CACNG3: variants seen among roughly 807,000 people sequenced by gnomAD.
The protein encoded by CACNG3 is voltage-dependent calcium channel gamma-3 subunit.
A neutral mutation model predicts 28.5 loss-of-function variants in CACNG3; 3 were observed. The ratio of observed to expected loss-of-function variants is 0.11; its 90% CI spans 0.05 to 0.27. The LOEUF (loss-of-function observed/expected upper bound fraction) is 0.27, where lower values mean the gene tolerates loss of function less well. Among genes scored for constraint, CACNG3 ranks in the 10% least tolerant of loss-of-function variants. The pLI, the probability that CACNG3 is intolerant of heterozygous loss-of-function variation, is 1.00. For missense variants in CACNG3, 236 were observed against 414.4 expected (o/e 0.57, Z 3.74); for synonymous variants, 174 against 162.2 (o/e 1.07, Z -0.55).
At chr16:24,328,913 TAC>T (rs1330103902) in intron 1 of CACNG3, among the ~76,000 whole-genome samples, 1 of 152,148 alleles carries the variant, frequency 6.6e-6, no homozygotes, top group Non-Finnish European at 1.5e-5. Flanking sequence ...CTTCATCACA[TAC>T]ACACATACAC....
intron 1 of CACNG3, among the ~76,000 whole-genome samples, chr16:24,262,517 CCCA>C (rs1295293808): frequency 6.6e-6 from 1 of 152,176 alleles, no homozygotes; most frequent in Non-Finnish European, 1.5e-5. Flanking sequence ...TCACCAACTC[CCCA>C]CCACCACTGC....
At chr16:24,329,022 T>C (rs1899598617) in intron 1 of CACNG3, among the ~76,000 whole-genome samples, 1 of 152,080 alleles carries the variant, frequency 6.6e-6, no homozygotes, top group South Asian at 2.1e-4. Flanking sequence ...GCAGGGAGAA[T>C]GGGGATCTGG....
At chr16:24,287,070 A>G (rs549111955) in intron 1 of CACNG3, among the ~76,000 whole-genome samples, 2 of 152,320 alleles carry the variant, frequency 1.3e-5, no homozygotes, top group African/African-American at 4.8e-5. Context: ...TCCTGCAAAC[A>G]ACTCAGAAGC....
rs1900011831 is a variant in CACNG3, at chr16:24,355,088, C to T, written c.436+115C>T. 9 of 1,025,016 alleles carry T rather than the reference C, an allele frequency of 8.8e-6. No individual in the cohort carries two copies. In the East Asian group the frequency reaches 2.2e-4, roughly 25 times the overall value. The allele number at this position is 1,025,016 out of a possible 1,614,324, so 63.5% of individuals were successfully genotyped here. On this transcript the variant is annotated intron_variant, in intron 3 of 3. Coordinates refer to ENST00000005284, the MANE Select transcript of CACNG3 (RefSeq NM_006539.4). Reference sequence around the variant, plus strand: ...TCCAGGGAAGGAGCAAGAAAATGTTCCAGTTGTGCTAAGGATGAGAACTCC... The same window carrying T: ...TCCAGGGAAGGAGCAAGAAAATGTTTCAGTTGTGCTAAGGATGAGAACTCC...
chr16:24,300,686 G>T lies in CACNG3; in HGVS notation c.211+43721G>T, dbSNP rs201208186. Reference sequence around the variant, plus strand: ...GCCCGTAATCCCAGCACTTTGGGAGGCCAAGGTAGGCAGATCACTTGGAGT... The same window carrying T: ...GCCCGTAATCCCAGCACTTTGGGAGTCCAAGGTAGGCAGATCACTTGGAGT... On this transcript the variant is annotated intron_variant, in intron 1 of 3. Transcript: ENST00000005284. Among the ~76,000 whole-genome samples, 9 of 151,580 alleles carry T rather than the reference G, an allele frequency of 5.9e-5. No homozygotes were observed. The East Asian group carries it at 1.7e-3, about 29-fold the overall frequency.
At chr16:24,311,037 G>C (rs1234491956) in intron 1 of CACNG3, among the ~76,000 whole-genome samples, 6 of 152,204 alleles carry the variant, frequency 3.9e-5, no homozygotes, top group African/African-American at 1.4e-4. Flanking sequence ...CAGGAAGCCA[G>C]CCCAGGGGCA....
chr16:24,326,849 G>A (rs1277076510), intron 1 of CACNG3, among the ~76,000 whole-genome samples: 1 of 152,152 alleles, frequency 6.6e-6, no homozygotes, highest in Non-Finnish European at 1.5e-5. Flanking sequence ...CCAGATGCCT[G>A]GTACAGACCA....
At chr16:24,337,169 C>A (rs1205518665) in intron 1 of CACNG3, among the ~76,000 whole-genome samples, 1 of 152,138 alleles carries the variant, frequency 6.6e-6, no homozygotes, top group Non-Finnish European at 1.5e-5. Flanking sequence ...CAGTCCATTG[C>A]ACAAGGCCAT....
Position 24,339,535 on chromosome 16 carries a change from G to C in CACNG3, c.212-7199G>C, listed in dbSNP as rs184412418. Among the ~76,000 whole-genome samples, 4 of 152,042 alleles carry C rather than the reference G, an allele frequency of 2.6e-5. No homozygotes were observed. The East Asian group carries it at 7.8e-4, about 29-fold the overall frequency. On this transcript the variant is annotated intron_variant, in intron 1 of 3. Transcript: ENST00000005284. ...TGAGTATCTGGGACTATAGGTGCCCGCCACCACGCCCAGCTAATTTTTGTA... is the reference window on the plus strand; with the variant it reads ...TGAGTATCTGGGACTATAGGTGCCCCCCACCACGCCCAGCTAATTTTTGTA...
intron 3 of CACNG3, among the ~76,000 whole-genome samples, chr16:24,356,997 A>G (rs113541845): frequency 2.9e-3 from 444 of 152,060 alleles, no homozygotes; most frequent in African/African-American, 0.01. Context: ...AGCACTTTGG[A>G]AGGCTGAGGC....
chr16:24,271,802 C>T (rs944613455), intron 1 of CACNG3, among the ~76,000 whole-genome samples: 2 of 152,124 alleles, frequency 1.3e-5, no homozygotes, highest in African/African-American at 2.4e-5. Context: ...CAGAGAGTAT[C>T]GGTCCTAGAA....
intron 2 of CACNG3, among the ~76,000 whole-genome samples, chr16:24,350,870 A>G (rs982063121): frequency 1.3e-5 from 2 of 152,200 alleles, no homozygotes; most frequent in Non-Finnish European, 2.9e-5. Flanking sequence ...GGCCCAAGGC[A>G]AGAATCCAGC....
chr16:24,284,070 G>A (rs545217606), intron 1 of CACNG3, among the ~76,000 whole-genome samples: 38 of 152,064 alleles, frequency 2.5e-4, no homozygotes, highest in South Asian at 6.2e-4. Context: ...AATGTCTTTC[G>A]TATTGGCCTT....
intron 1 of CACNG3, among the ~76,000 whole-genome samples, chr16:24,263,912 A>G (rs1229091001): frequency 1.3e-5 from 2 of 152,260 alleles, no homozygotes; most frequent in Non-Finnish European, 2.9e-5. Flanking sequence ...TCAGTGAGGT[A>G]CCTGTGGCTC....
At chr16:24,336,580 T>C (rs1338172616) in intron 1 of CACNG3, among the ~76,000 whole-genome samples, 1 of 151,798 alleles carries the variant, frequency 6.6e-6, no homozygotes, top group African/African-American at 2.4e-5. Context: ...CAGCCAATCA[T>C]TAACATTTTC....
intron 3 of CACNG3, among the ~76,000 whole-genome samples, chr16:24,358,749 T>C (rs1320451360): frequency 6.6e-6 from 1 of 152,108 alleles, no homozygotes; most frequent in African/African-American, 2.4e-5. Flanking sequence ...TGGATTCAAA[T>C]CTCACTTCAA....
At chr16:24,304,016 G>A (rs1015326498) in intron 1 of CACNG3, among the ~76,000 whole-genome samples, 1 of 152,192 alleles carries the variant, frequency 6.6e-6, no homozygotes, top group South Asian at 2.1e-4. Flanking sequence ...TGGCAACATA[G>A]AGAGACCCCC....
intron 1 of CACNG3, among the ~76,000 whole-genome samples, chr16:24,314,525 G>T (rs1382974628): frequency 3.3e-5 from 5 of 152,140 alleles, no homozygotes. Context: ...GATGAATCTG[G>T]ACAGCAGGCT....
chr16:24,296,705 A>G (rs1266484923), intron 1 of CACNG3, among the ~76,000 whole-genome samples: 2 of 152,212 alleles, frequency 1.3e-5, no homozygotes, highest in Non-Finnish European at 2.9e-5. Context: ...AATTAACTTT[A>G]TATTATAAAA....
Sources: allele counts gnomAD v4.1 joint callset (sites outside exome capture counted in the v4.1 genomes callset), GRCh38; gene constraint gnomAD v4.1.1; transcripts MANE v1.5; gene names NCBI Gene and HGNC (gene_info 2026-07-23, HGNC 2026-07-21).